Variants in CKMT2 observed in about 807,000 individuals in gnomAD.
CKMT2 encodes the protein creatine kinase, mitochondrial 2.
In CKMT2, 43 loss-of-function variants were observed where a neutral mutation model predicts 48.9. The observed-to-expected ratio is 0.88, with a 90% CI of 0.69 to 1.13. CKMT2 has a LOEUF of 1.13. Among genes scored for constraint, CKMT2 ranks in the 50% most tolerant of loss-of-function variants. CKMT2 has a pLI of 0.00. For synonymous variants in CKMT2, 206 were observed against 213.0 expected (o/e 0.97, Z 0.29); for missense variants, 472 against 555.4 (o/e 0.85, Z 1.51).
At chr5:81,262,499 C>G (rs1486670294) in intron 8 of CKMT2, among the ~76,000 whole-genome samples, 1 of 151,884 alleles carries the variant, frequency 6.6e-6, no homozygotes, top group African/African-American at 2.4e-5. Flanking sequence ...AAAAAAACAA[C>G]CCCATCAAAA....
intron 5 of CKMT2, among the ~76,000 whole-genome samples, chr5:81,256,244 G>A (rs574412849): frequency 1.3e-5 from 2 of 149,944 alleles, no homozygotes; most frequent in South Asian, 4.2e-4. Context: ...GCATAGGCTT[G>A]GGAGTCACAG....
At chr5:81,240,665 C>T (rs946920240) in intron 1 of CKMT2, among the ~76,000 whole-genome samples, 4 of 152,248 alleles carry the variant, frequency 2.6e-5, no homozygotes, top group East Asian at 3.9e-4. Context: ...AACAGACACT[C>T]GATACATATG....
At chr5:81,255,628 G>A (rs1008780567) in intron 5 of CKMT2, among the ~76,000 whole-genome samples, 13 of 152,146 alleles carry the variant, frequency 8.5e-5, no homozygotes, top group Non-Finnish European at 1.3e-4. Flanking sequence ...GAAATTCCAG[G>A]TGGGAGGCCT....
intron 8 of CKMT2, among the ~76,000 whole-genome samples, chr5:81,261,134 G>T (rs1054737908): frequency 2.0e-5 from 3 of 152,200 alleles, no homozygotes; most frequent in Non-Finnish European, 4.4e-5. Flanking sequence ...TATCTCAATA[G>T]ATGCAGAAAA....
intron 9 of CKMT2, among the ~76,000 whole-genome samples, chr5:81,265,432 T>A (rs1056413806): frequency 2.0e-5 from 3 of 152,124 alleles, no homozygotes; most frequent in Admixed American, 2.0e-4. Context: ...AGTTGTATAA[T>A]GTATGTCTGG....
chr5:81,256,424 A>G (rs902416192), intron 5 of CKMT2, among the ~76,000 whole-genome samples: 2 of 152,258 alleles, frequency 1.3e-5, no homozygotes, highest in African/African-American at 4.8e-5. Context: ...TGGCACAGTC[A>G]GCATTAATGG....
In CKMT2 at chr5:81,254,417, C is replaced by A; in HGVS notation, c.373C>A (p.Pro125Thr). The A allele has an allele frequency of 6.2e-7, 1 of 1,613,992 alleles. No homozygotes were observed. The highest frequency in any genetic ancestry group is 1.1e-5 in the South Asian group (1 of 91,070). The change falls in exon 4 of 10, where the codon CCC becomes ACC. Residue 125 changes from proline (P) to threonine (T), a missense_variant. Transcript: ENST00000254035. ...SYEVFADLFD[P>T]VIKLRHNGYD... Reference sequence around the variant, plus strand: ...GCAGGTGTTTGCTGACCTTTTTGACCCCGTCATCAAACTAAGACACAACGG... The same window carrying A: ...GCAGGTGTTTGCTGACCTTTTTGACACCGTCATCAAACTAAGACACAACGG...
intron 1 of CKMT2, among the ~76,000 whole-genome samples, chr5:81,247,260 C>T (rs905325709): frequency 6.6e-6 from 1 of 152,180 alleles, no homozygotes; most frequent in African/African-American, 2.4e-5. Context: ...TCTTTTTGTT[C>T]CAAACTTTTG....
chr5:81,254,932 G>T (rs779618919), intron 4 of CKMT2, 61 bp from the exon 5 acceptor site: 29 of 1,399,988 alleles, frequency 2.1e-5, no homozygotes, highest in Non-Finnish European at 2.9e-5. Flanking sequence ...AGAACCCACT[G>T]TGGCTGTGGC....
At chr5:81,252,489 A>G (rs1756851642) in intron 2 of CKMT2, among the ~76,000 whole-genome samples, 1 of 152,228 alleles carries the variant, frequency 6.6e-6, no homozygotes, top group Admixed American at 6.5e-5. Flanking sequence ...CTGTTTTCAA[A>G]AAGGCAAAGT....
rs993503253 is a variant in CKMT2, at chr5:81,241,089, T to G, written c.-21+7712T>G. 1.6e-4 allele frequency among the ~76,000 whole-genome samples: 25 copies of G among 152,206 alleles called. 1 individual carries two copies. Among genetic ancestry groups the G allele is most frequent in the African/African-American group, 6.0e-4 (25 of 41,450 alleles). Reference sequence around the variant, plus strand: ...AGACAAACTGTGGCCCAGTTCTACATTCATTGGGTCTTGTCCCTCTGAAGT... The same window carrying G: ...AGACAAACTGTGGCCCAGTTCTACAGTCATTGGGTCTTGTCCCTCTGAAGT... On this transcript the variant is annotated intron_variant, in intron 1 of 9. Transcript: ENST00000254035.
At chr5:81,250,940 A>ACACACACACACACACAC (rs1756782790) in intron 1 of CKMT2, among the ~76,000 whole-genome samples, 173 bp from the exon 2 acceptor site, 1 of 132,998 alleles carries the variant, frequency 7.5e-6, no homozygotes, top group Non-Finnish European at 1.6e-5. Flanking sequence ...AGAAATAGAA[A>ACACACACACACACACAC]ACACACACAC....
chr5:81,263,985 A>C (rs1236014304), intron 9 of CKMT2, among the ~76,000 whole-genome samples: 1 of 152,236 alleles, frequency 6.6e-6, no homozygotes, highest in Non-Finnish European at 1.5e-5. Context: ...TGAGGGTGGC[A>C]AAATAGTGGA....
intron 1 of CKMT2, among the ~76,000 whole-genome samples, chr5:81,247,682 T>C (rs989355482): frequency 1.3e-5 from 2 of 152,218 alleles, no homozygotes; most frequent in African/African-American, 4.8e-5. Context: ...AGTGAGACCT[T>C]TGTTTCAATT....
chr5:81,257,589 T>G (rs1757057380), intron 6 of CKMT2, 144 bp from the exon 7 acceptor site: 1 of 590,348 alleles, frequency 1.7e-6, no homozygotes, highest in Non-Finnish European at 2.8e-6. Context: ...TTTGTCATAC[T>G]TGTTCAGGCA....
chr5:81,242,008 C>T (rs1001267230), intron 1 of CKMT2, among the ~76,000 whole-genome samples: 1 of 151,364 alleles, frequency 6.6e-6, no homozygotes, highest in Non-Finnish European at 1.5e-5. Flanking sequence ...AGGCCTTGTA[C>T]TCTGCTGGCT....
intron 1 of CKMT2, chr5:81,244,242 A>T: frequency 4.2e-6 from 4 of 955,702 alleles, no homozygotes; most frequent in Non-Finnish European, 5.0e-6. Flanking sequence ...TGGCTCATAG[A>T]AATCGCAAGA....
At chr5:81,235,669 AGCATTAAGACCAG>A (rs1196879261) in intron 1 of CKMT2, 1 of 152,258 alleles carries the variant, frequency 6.6e-6, no homozygotes, top group Non-Finnish European at 1.5e-5. Context: ...ACCAGAGAAG[AGCATTAAGACCAG>A]GATCTGAACT....
At chr5:81,261,557 GACAA>G (rs138332495) in intron 8 of CKMT2, among the ~76,000 whole-genome samples, 8,575 of 151,830 alleles carry the variant, frequency 0.056, 307 homozygotes, top group Non-Finnish European at 0.086. Context: ...TACACCAATA[GACAA>G]ACAGAGCCAA....
Sources: allele counts gnomAD v4.1 joint callset (sites outside exome capture counted in the v4.1 genomes callset), GRCh38; gene constraint gnomAD v4.1.1; transcripts MANE v1.5; gene names NCBI Gene and HGNC (gene_info 2026-07-23, HGNC 2026-07-21).